Variants in PFKFB1 observed in about 807,000 individuals in gnomAD.
The protein encoded by PFKFB1 is 6-phosphofructo-2-kinase/fructose-2,6-biphosphatase 1.
In PFKFB1, 34 loss-of-function variants were observed where a neutral mutation model predicts 46.4. That is an observed-to-expected ratio of 0.73 (90% confidence interval 0.56 to 0.98). PFKFB1 has a LOEUF of 0.98. Among genes scored for constraint, PFKFB1 ranks in the 50% least tolerant of loss-of-function variants. The probability of loss-of-function intolerance (pLI) is 0.00; values close to 1 mark genes in which losing one functional copy is unlikely to be tolerated. For missense variants in PFKFB1, 393 were observed against 376.3 expected (o/e 1.04, Z -0.37); for synonymous variants, 119 against 133.8 (o/e 0.89, Z 0.76).
At chrX:54,946,235 A>C (rs1933809173) in intron 9 of PFKFB1, among the ~76,000 whole-genome samples, 1 of 111,449 alleles carries the variant, frequency 9.0e-6, no homozygotes, top group Non-Finnish European at 1.9e-5. Context: ...GACATCTCAG[A>C]CAGGAAAAAT....
chrX:54,946,351 A>G (rs1239020023), intron 9 of PFKFB1, among the ~76,000 whole-genome samples: 1 of 111,819 alleles, frequency 8.9e-6, no homozygotes, highest in Non-Finnish European at 1.9e-5. Flanking sequence ...AGCTTATGAG[A>G]GATTCCAAGT....
At chrX:54,998,624 A>G, upstream of PFKFB1, 1 of 417,361 alleles carries the variant, frequency 2.4e-6, no homozygotes, top group Non-Finnish European at 4.2e-6. Context: ...GACGTTCCTG[A>G]GCCACCAGAA....
intron 1 of PFKFB1, among the ~76,000 whole-genome samples, chrX:54,964,314 C>A (rs1250607594): frequency 9.0e-6 from 1 of 110,546 alleles, no homozygotes; most frequent in Non-Finnish European, 1.9e-5. Flanking sequence ...GGTCCCCATT[C>A]CCCCACTACC....
chrX:54,989,444 A>G (rs1241733238), intron 1 of PFKFB1, among the ~76,000 whole-genome samples: 1 of 111,851 alleles, frequency 8.9e-6, no homozygotes, highest in Non-Finnish European at 1.9e-5. Flanking sequence ...TAGCAATTCT[A>G]AATTTGTTTG....
intron 11 of PFKFB1, 23 bp from the exon 12 acceptor site, chrX:54,935,032 C>T: frequency 8.6e-7 from 1 of 1,158,670 alleles, no homozygotes; most frequent in Non-Finnish European, 1.2e-6. Flanking sequence ...AGGAAGCAGC[C>T]CTCAGAGGCA....
chrX:54,971,740 G>C (rs1476340431), intron 1 of PFKFB1, among the ~76,000 whole-genome samples: 1 of 112,051 alleles, frequency 8.9e-6, no homozygotes, highest in Non-Finnish European at 1.9e-5. Context: ...GGTTACTGTA[G>C]GCTTGTAGTA....
chrX:54,954,007 G>C (rs1934061107), intron 7 of PFKFB1, among the ~76,000 whole-genome samples: 1 of 111,867 alleles, frequency 8.9e-6, no homozygotes, highest in Non-Finnish European at 1.9e-5. Context: ...AAGTCATTTA[G>C]AGGTGTTCCA....
intron 1 of PFKFB1, among the ~76,000 whole-genome samples, chrX:54,989,278 C>A (rs759142411): frequency 1.8e-5 from 2 of 111,033 alleles, no homozygotes; most frequent in Admixed American, 9.6e-5. Context: ...ACATACCAGG[C>A]AAATATTAAG....
chrX:54,998,298 A>C (rs960396509), upstream of PFKFB1: 4 of 595,656 alleles, frequency 6.7e-6, no homozygotes, highest in Non-Finnish European at 1.1e-5. Context: ...CATGCCCTTT[A>C]ATGCACACGA....
chrX:54,980,338 C>CACAA (rs1934947476), intron 1 of PFKFB1, among the ~76,000 whole-genome samples: 2 of 111,056 alleles, frequency 1.8e-5, no homozygotes, highest in African/African-American at 6.5e-5. Flanking sequence ...CACACACACA[C>CACAA]ACAAACGTGT....
chrX:54,980,937 A>G (rs1286272963), intron 1 of PFKFB1, among the ~76,000 whole-genome samples: 1 of 111,735 alleles, frequency 8.9e-6, no homozygotes, highest in Non-Finnish European at 1.9e-5. Context: ...GACTACATGA[A>G]TTTTTAAAAG....
At position 54,952,050 on chromosome X, in the gene PFKFB1, T is replaced by C. The variant is rs997697891; in HGVS notation, c.701A>G (p.Asp234Gly). ...GTRYMVNRVQ[D>G]HIQSRTVYYL... is the part of the protein sequence containing the mutation. ...GTAGACTGTGCGGCTCTGGATGTGA[T>C]CCTGCACTCGGTTCACCATGTAGCG... The change falls in exon 8 of 14, where the codon GAT becomes GGT. Residue 234 changes from aspartate to glycine, a missense_variant. Asp to Gly is a moderately conservative substitution (Grantham distance 94, BLOSUM62 -1). Transcript: ENST00000375006. The C allele has an allele frequency of 5.0e-6, 6 of 1,209,661 alleles. No individual in the cohort carries two copies. The African/African-American group carries it at 1.0e-4, about 21-fold the overall frequency.
chrX:54,974,944 TAA>T (rs932615755), intron 1 of PFKFB1, among the ~76,000 whole-genome samples: 2 of 109,158 alleles, frequency 1.8e-5, no homozygotes, highest in African/African-American at 6.7e-5. Flanking sequence ...AATTTAAAAA[TAA>T]AAAAAAATAC....
chrX:54,956,838 A>T (rs924373745), intron 6 of PFKFB1, among the ~76,000 whole-genome samples: 1 of 109,584 alleles, frequency 9.1e-6, no homozygotes, highest in Non-Finnish European at 1.9e-5. Flanking sequence ...GCAGGTACCA[A>T]ATCCTCTCCA....
chrX:54,997,696 G>A (rs769244088), upstream of PFKFB1, among the ~76,000 whole-genome samples: 5 of 111,472 alleles, frequency 4.5e-5, no homozygotes, highest in African/African-American at 1.6e-4. Flanking sequence ...GGCCTTCTGT[G>A]ACAGCAGCCT....
chrX:54,961,562 T>C (rs1327662671), intron 2 of PFKFB1, among the ~76,000 whole-genome samples: 1 of 111,805 alleles, frequency 8.9e-6, no homozygotes, highest in East Asian at 2.8e-4. Flanking sequence ...CAAATACTTT[T>C]TGACTCCTAC....
chrX:54,941,467 G>C (rs1933630091), intron 10 of PFKFB1, among the ~76,000 whole-genome samples: 1 of 111,749 alleles, frequency 8.9e-6, no homozygotes, highest in Non-Finnish European at 1.9e-5. Context: ...CCTACAGAAT[G>C]GGAGAAAATT....
Position 54,986,775 on chromosome X carries a change from T to C in PFKFB1, c.97+7136A>G, listed in dbSNP as rs1056132061. On this transcript the variant is annotated intron_variant, in intron 1 of 13. Coordinates refer to ENST00000375006, the MANE Select transcript of PFKFB1 (RefSeq NM_002625.4). ...CAAACATGCTCCAAGAGAGACAATA[T>C]TCTAGGCCATAAAAGAAGCTTCAAT... Among the ~76,000 whole-genome samples the C allele has an allele frequency of 1.9e-4, 21 of 111,665 alleles. No individual in the cohort carries two copies. In the Admixed American group the frequency reaches 1.9e-3, roughly 10 times the overall value.
At chrX:54,985,486 C>G (rs760461991) in intron 1 of PFKFB1, among the ~76,000 whole-genome samples, 1 of 111,195 alleles carries the variant, frequency 9.0e-6, no homozygotes, top group South Asian at 3.7e-4. Flanking sequence ...AGAAGCAACA[C>G]TGAAGGGTTC....
Sources: gnomAD v4.1 joint callset for allele counts (sites outside exome capture counted in the v4.1 genomes callset) on GRCh38, gnomAD v4.1.1 for gene constraint, MANE v1.5 for transcripts, NCBI Gene and HGNC (gene_info 2026-07-23, HGNC 2026-07-21) for gene names.